The following LINGO1 variants were observed in gnomAD, a reference collection of about 807,000 sequenced individuals.
LINGO1 encodes leucine rich repeat and Ig domain containing 1, also known as leucine-rich repeat and immunoglobulin-like domain-containing nogo receptor-interacting protein 1.
In LINGO1, 11 loss-of-function variants were observed where a neutral mutation model predicts 37.3. That is an observed-to-expected ratio of 0.29 (90% CI 0.19 to 0.49). LINGO1 has a LOEUF of 0.49. Among genes scored for constraint, LINGO1 ranks in the 20% least tolerant of loss-of-function variants. The probability of loss-of-function intolerance (pLI) is 0.99; values close to 1 mark genes in which losing one functional copy is unlikely to be tolerated. For missense variants in LINGO1, 585 were observed against 878.2 expected (o/e 0.67, Z 4.22); for synonymous variants, 387 against 403.0 (o/e 0.96, Z 0.48).
chr15:77,671,405 G>A (rs1186901692), intron 3 of LINGO1, among the ~76,000 whole-genome samples: 1 of 152,158 alleles, frequency 6.6e-6, no homozygotes, highest in East Asian at 1.9e-4. Flanking sequence ...GGAAGCACGG[G>A]CTGCTCTTAG....
chr15:77,754,085 G>T (rs1048879591), intron 1 of LINGO1, among the ~76,000 whole-genome samples: 7 of 151,918 alleles, frequency 4.6e-5, no homozygotes, highest in Admixed American at 2.0e-4. Flanking sequence ...GTGGGAGCAG[G>T]GATGGGGGAA....
chr15:77,629,833 G>A (rs1400284143), intron 1 of LINGO1, among the ~76,000 whole-genome samples: 2 of 152,130 alleles, frequency 1.3e-5, no homozygotes, highest in African/African-American at 4.8e-5. Context: ...TGACTGGGCT[G>A]GTACAATATT....
intron 1 of LINGO1, among the ~76,000 whole-genome samples, chr15:77,743,000 T>C (rs889601862): frequency 4.6e-5 from 7 of 152,154 alleles, no homozygotes; most frequent in African/African-American, 1.7e-4. Flanking sequence ...GGTGCACGGG[T>C]GCACAGGGCC....
chr15:77,666,067 G>A (rs2075122704), intron 3 of LINGO1, among the ~76,000 whole-genome samples: 1 of 152,256 alleles, frequency 6.6e-6, no homozygotes, highest in Admixed American at 6.5e-5. Context: ...GGACCCTCCA[G>A]AGGGCCTGGC....
intron 1 of LINGO1, among the ~76,000 whole-genome samples, chr15:77,630,356 C>T (rs2074218470): frequency 6.6e-6 from 1 of 152,210 alleles, no homozygotes; most frequent in East Asian, 1.9e-4. Flanking sequence ...CAGCACCACA[C>T]ATGAGCCCTC....
intron 1 of LINGO1, among the ~76,000 whole-genome samples, chr15:77,807,745 A>C (rs2076971927): frequency 6.6e-6 from 1 of 152,186 alleles, no homozygotes; most frequent in Non-Finnish European, 1.5e-5. Flanking sequence ...GCTTTTGCCA[A>C]CTATCACAGC....
At chr15:77,709,868 A>G (rs1050061495) in intron 2 of LINGO1, among the ~76,000 whole-genome samples, 9 of 152,230 alleles carry the variant, frequency 5.9e-5, no homozygotes, top group Non-Finnish European at 1.2e-4. Context: ...GTGGGAGCCA[A>G]CATATCAGGG....
chr15:77,813,576 T>G (rs1028331945), intron 1 of LINGO1, among the ~76,000 whole-genome samples: 18 of 152,192 alleles, frequency 1.2e-4, no homozygotes, highest in African/African-American at 4.1e-4. Flanking sequence ...CTGGTCCTAC[T>G]CATCTCTGTC....
At chr15:77,615,946 A>G in intron 1 of LINGO1, 46 bp from the exon 2 acceptor site, 2 of 1,382,894 alleles carry the variant, frequency 1.4e-6, no homozygotes, top group Non-Finnish European at 1.9e-6. Flanking sequence ...GTTAGGGGGC[A>G]GTGTGTGTCT....
intron 3 of LINGO1, among the ~76,000 whole-genome samples, chr15:77,659,594 A>G (rs1465711343): frequency 1.3e-5 from 2 of 152,118 alleles, no homozygotes; most frequent in Non-Finnish European, 2.9e-5. Context: ...TCAGTTCAGA[A>G]CCATGTCACC....
chr15:77,797,066 G>A (rs1156322632), intron 1 of LINGO1, among the ~76,000 whole-genome samples: 1 of 152,148 alleles, frequency 6.6e-6, no homozygotes, highest in African/African-American at 2.4e-5. Context: ...TCCATCCTCT[G>A]TGAGTAGGGG....
chr15:77,804,829 T>C (rs1387024663), intron 1 of LINGO1, among the ~76,000 whole-genome samples: 1 of 152,176 alleles, frequency 6.6e-6, no homozygotes, highest in Non-Finnish European at 1.5e-5. Context: ...TCCTGGGTAC[T>C]GCGGTTACCA....
In LINGO1 at chr15:77,758,659, T is replaced by C. The variant is rs140259765; in HGVS notation, c.-256-23606A>G. The stretch of plus-strand genomic sequence containing the variant: ...CTGGACTCAAATCCCTGCTTTCCCA[T>C]TTACTCTGTGACATTGGCAAGCTGC... On this transcript the variant is annotated intron_variant, in intron 1 of 3. Coordinates refer to the LINGO1 transcript ENST00000561686. 2.3e-3 allele frequency among the ~76,000 whole-genome samples: 354 copies of C among 152,232 alleles called. 2 individuals are homozygous for C. Among genetic ancestry groups the C allele is most frequent in the African/African-American group, 7.8e-3 (325 of 41,530 alleles).
intron 2 of LINGO1, among the ~76,000 whole-genome samples, chr15:77,731,136 C>T (rs977935505): frequency 6.6e-6 from 1 of 152,146 alleles, no homozygotes; most frequent in Non-Finnish European, 1.5e-5. Flanking sequence ...GACACCCCTC[C>T]ATCCTGGCAG....
At chr15:77,763,462 C>T (rs1369033944) in intron 1 of LINGO1, among the ~76,000 whole-genome samples, 1 of 152,062 alleles carries the variant, frequency 6.6e-6, no homozygotes, top group Non-Finnish European at 1.5e-5. Flanking sequence ...GGACCTTTTA[C>T]AAGGAAATGA....
At chr15:77,688,156 G>A (rs899381816) in intron 2 of LINGO1, among the ~76,000 whole-genome samples, 1 of 152,192 alleles carries the variant, frequency 6.6e-6, no homozygotes, top group African/African-American at 2.4e-5. Context: ...GACTGGCCTG[G>A]ATGGACATCA....
At chr15:77,783,987 T>C (rs2076747180) in intron 1 of LINGO1, among the ~76,000 whole-genome samples, 1 of 152,228 alleles carries the variant, frequency 6.6e-6, no homozygotes, top group Non-Finnish European at 1.5e-5. Context: ...ATTAGGAAGC[T>C]GGGAGGGCTG....
At chr15:77,621,499 G>C (rs544532849) in intron 1 of LINGO1, among the ~76,000 whole-genome samples, 3 of 152,324 alleles carry the variant, frequency 2.0e-5, no homozygotes, top group Non-Finnish European at 2.9e-5. Flanking sequence ...GCAGAGCTCT[G>C]TGTCTCCTAG....
intron 3 of LINGO1, among the ~76,000 whole-genome samples, chr15:77,653,353 C>T (rs1205982392): frequency 6.6e-6 from 1 of 152,226 alleles, no homozygotes; most frequent in African/African-American, 2.4e-5. Flanking sequence ...CTGTGGCCTC[C>T]AGCCAGGGAG....
Sources: gnomAD v4.1 joint callset for allele counts (sites outside exome capture counted in the v4.1 genomes callset) on GRCh38, gnomAD v4.1.1 for gene constraint, MANE v1.5 for transcripts, NCBI Gene and HGNC (gene_info 2026-07-23, HGNC 2026-07-21) for gene names.